The following KATNA1 variants were observed in gnomAD, a reference collection of about 807,000 sequenced individuals.
KATNA1 encodes katanin p60 ATPase-containing subunit A1.
In KATNA1, 42 loss-of-function variants were observed where a neutral mutation model predicts 62.6. That is an observed-to-expected ratio of 0.67 (90% CI 0.52 to 0.87). The LOEUF is 0.87. KATNA1 is among the 40% of genes least tolerant of loss of function. KATNA1 has a pLI of 0.00. For synonymous variants in KATNA1, 186 were observed against 201.9 expected, an observed-to-expected ratio of 0.92 and a Z score of 0.67; for missense variants, 498 against 612.5, an observed-to-expected ratio of 0.81 and a Z score of 1.97.
chr6:149,610,664 A>C (rs1327283035), intron 4 of KATNA1, among the ~76,000 whole-genome samples: 1 of 152,216 alleles, frequency 6.6e-6, no homozygotes, highest in African/African-American at 2.4e-5. Context: ...AAGAAAAATA[A>C]AGATACAACT....
At chr6:149,603,235 A>T in intron 6 of KATNA1, 33 bp downstream of exon 6, 1 of 888,894 alleles carries the variant, frequency 1.1e-6, no homozygotes, top group Non-Finnish European at 1.8e-6. Flanking sequence ...GCTGCCATTT[A>T]CTTTGACAAT....
At chr6:149,634,444 G>T (rs1779991336) in intron 2 of KATNA1, among the ~76,000 whole-genome samples, 1 of 152,014 alleles carries the variant, frequency 6.6e-6, no homozygotes, top group African/African-American at 2.4e-5. Context: ...AGAATTGCTT[G>T]AGCCCAAGGG....
At chr6:149,597,309 ATAAT>A (rs1248640178) in intron 9 of KATNA1, 120 bp from the exon 10 acceptor site, 41 of 1,268,864 alleles carry the variant, frequency 3.2e-5, no homozygotes, top group Admixed American at 5.0e-5. Flanking sequence ...CTAAGAAGAG[ATAAT>A]TAAGTAAAGA....
intron 10 of KATNA1, among the ~76,000 whole-genome samples, chr6:149,596,794 C>A (rs751060408): frequency 6.6e-6 from 1 of 152,046 alleles, no homozygotes; most frequent in East Asian, 1.9e-4. Context: ...AACTCCTGGG[C>A]TCAAGTGATC....
At chr6:149,641,867 A>G (rs1280997733) in intron 1 of KATNA1, among the ~76,000 whole-genome samples, 1 of 152,148 alleles carries the variant, frequency 6.6e-6, no homozygotes, top group African/African-American at 2.4e-5. Context: ...ACCAATAAAT[A>G]CAAACTGAAG....
intron 4 of KATNA1, among the ~76,000 whole-genome samples, chr6:149,619,133 C>A (rs950161054): frequency 6.6e-6 from 1 of 151,922 alleles, no homozygotes; most frequent in Non-Finnish European, 1.5e-5. Context: ...GAGCAAAAAA[C>A]CCCCCACAAA....
At chr6:149,609,814 A>AAAAAAAAAAAAAAAAAAAAAAAAAC (rs1562284874) in intron 4 of KATNA1, among the ~76,000 whole-genome samples, 1 of 141,658 alleles carries the variant, frequency 7.1e-6, no homozygotes, top group African/African-American at 2.8e-5. Flanking sequence ...AAAAAAAAAA[A>AAAAAAAAAAAAAAAAAAAAAAAAAC]AATAGGCCAG....
At chr6:149,609,562 T>C (rs1778866908) in intron 4 of KATNA1, among the ~76,000 whole-genome samples, 1 of 151,848 alleles carries the variant, frequency 6.6e-6, no homozygotes, top group Non-Finnish European at 1.5e-5. Context: ...CCCAGCATTT[T>C]GGGAGGCCGA....
intron 4 of KATNA1, among the ~76,000 whole-genome samples, chr6:149,620,457 A>G (rs1437269935): frequency 6.6e-6 from 1 of 151,736 alleles, no homozygotes; most frequent in Non-Finnish European, 1.5e-5. Context: ...ACCCCGGCTA[A>G]TTTTTTTTGT....
chr6:149,600,194 TAAAAA>T (rs67468519), intron 7 of KATNA1, among the ~76,000 whole-genome samples: 4 of 67,994 alleles, frequency 5.9e-5, no homozygotes, highest in Non-Finnish European at 5.2e-5. Flanking sequence ...GAGCTTATCT[TAAAAA>T]AAAAAAAAAA....
intron 10 of KATNA1, 97 bp from the exon 11 acceptor site, chr6:149,595,331 C>G (rs1416183528): frequency 4.9e-6 from 4 of 813,428 alleles, no homozygotes; most frequent in Non-Finnish European, 7.7e-6. Flanking sequence ...TCTGTTGTAG[C>G]ATTCTCTAAT....
At chr6:149,636,556 C>T (rs1780070419) in intron 2 of KATNA1, among the ~76,000 whole-genome samples, 1 of 151,762 alleles carries the variant, frequency 6.6e-6, no homozygotes, top group Non-Finnish European at 1.5e-5. Flanking sequence ...AAATTAAGGA[C>T]AAATATTGAA....
chr6:149,632,719 CT>C (rs776920052), intron 3 of KATNA1, 39 bp downstream of exon 3: 1 of 1,566,956 alleles, frequency 6.4e-7, no homozygotes, highest in Admixed American at 2.0e-5. Flanking sequence ...ATGCTATAAG[CT>C]TCTTGGGATA....
intron 4 of KATNA1, among the ~76,000 whole-genome samples, chr6:149,607,826 G>GAGGCAGAGGC (rs1395944023): frequency 6.6e-6 from 1 of 152,090 alleles, no homozygotes; most frequent in Non-Finnish European, 1.5e-5. Flanking sequence ...AGCACTTTGG[G>GAGGCAGAGGC]AGGCAGAGGC....
chr6:149,641,304 G>A (rs528248617), intron 1 of KATNA1, among the ~76,000 whole-genome samples: 147 of 151,798 alleles, frequency 9.7e-4, no homozygotes, highest in Non-Finnish European at 1.4e-3. Context: ...AGCCTCCCGA[G>A]TAGCTGGGAC....
intron 4 of KATNA1, among the ~76,000 whole-genome samples, chr6:149,611,508 T>C (rs1214111645): frequency 6.9e-6 from 1 of 145,270 alleles, no homozygotes; most frequent in Non-Finnish European, 1.5e-5. Context: ...AAAAAAGATA[T>C]TGATAAGAGC....
At chr6:149,641,239 T>C (rs1780273418) in intron 1 of KATNA1, among the ~76,000 whole-genome samples, 1 of 144,602 alleles carries the variant, frequency 6.9e-6, no homozygotes, top group African/African-American at 2.6e-5. Context: ...TGCGGTGGCA[T>C]GTTCTCGGCT....
At chr6:149,632,696 CTAAATA>C (rs1779895330) in intron 3 of KATNA1, 57 bp downstream of exon 3, 4 of 1,411,664 alleles carry the variant, frequency 2.8e-6, no homozygotes, top group African/African-American at 1.5e-5. Context: ...CATCCTCCTC[CTAAATA>C]TAATCAATGC....
intron 9 of KATNA1, 75 bp from the exon 10 acceptor site, chr6:149,597,264 G>A (rs1166525970): frequency 1.4e-6 from 2 of 1,463,750 alleles, no homozygotes; most frequent in Admixed American, 2.1e-5. Context: ...AATCTTCTTT[G>A]TGTGAGATGT....
Sources: allele counts gnomAD v4.1 joint callset (sites outside exome capture counted in the v4.1 genomes callset), GRCh38; gene constraint gnomAD v4.1.1; transcripts MANE v1.5; gene names NCBI Gene and HGNC (gene_info 2026-07-23, HGNC 2026-07-21).